Variants in PRSS3 observed in about 807,000 individuals in gnomAD.
PRSS3 encodes serine protease 3.
PRSS3 carries 14 observed loss-of-function variants against 20.8 expected under a neutral mutation model. That is an observed-to-expected ratio of 0.67 (90% confidence interval 0.44 to 1.05). The LOEUF (loss-of-function observed/expected upper bound fraction) is 1.05, where lower values mean the gene tolerates loss of function less well. Ranked by LOEUF, PRSS3 falls within the 50% of genes least tolerant of loss-of-function variation. The probability of loss-of-function intolerance (pLI) is 0.00; values close to 1 mark genes in which losing one functional copy is unlikely to be tolerated. For synonymous variants in PRSS3, 91 were observed against 117.6 expected (o/e 0.77, Z 1.46); for missense variants, 237 against 306.4 (o/e 0.77, Z 1.69).
At chr9:33,755,996 T>C (rs1197345609) in intron 1 of PRSS3, among the ~76,000 whole-genome samples, 1 of 152,220 alleles carries the variant, frequency 6.6e-6, no homozygotes, top group Non-Finnish European at 1.5e-5. Flanking sequence ...GTGGAATACA[T>C]ATGTACTTTC....
Position 33,796,785 on chromosome 9 carries a change from A to G in PRSS3, c.183A>G (p.Ala61=). The G allele has an allele frequency of 6.2e-7, 1 of 1,614,000 alleles. No individual in the cohort carries two copies. The highest frequency in any genetic ancestry group is 8.5e-7 in the Non-Finnish European group (1 of 1,179,858). ...SLISEQWVVS[A]AHCYKTRIQV... ...TCAGCGAACAGTGGGTGGTATCAGCAGCTCACTGCTACAAGACGTAAGTGT... is the reference window on the plus strand; with the variant it reads ...TCAGCGAACAGTGGGTGGTATCAGCGGCTCACTGCTACAAGACGTAAGTGT... The change falls in exon 2 of 5, where the codon GCA becomes GCG. Residue 61 remains alanine (A), a synonymous_variant. Coordinates refer to ENST00000379405, the MANE Select transcript of PRSS3 (RefSeq NM_002771.4).
Position 33,795,624 on chromosome 9 carries a change from T to C in PRSS3, c.40+11T>C, listed in dbSNP as rs754830462. On this transcript the variant is annotated intron_variant, in intron 1 of 4. Coordinates refer to ENST00000379405, the MANE Select transcript of PRSS3 (RefSeq NM_002771.4). ...TTGTGGGAGCTGCTGGCGAGTTTCA[T>C]GACCTGCCTCAGGCCCCACCCACCC... The C allele has an allele frequency of 6.2e-7, 1 of 1,614,060 alleles. No homozygotes were observed. Among genetic ancestry groups the C allele is most frequent in the Non-Finnish European group, 8.5e-7 (1 of 1,180,008 alleles).
At chr9:33,766,173 G>A (rs1234658398) in intron 1 of PRSS3, among the ~76,000 whole-genome samples, 3 of 145,834 alleles carry the variant, frequency 2.1e-5, no homozygotes, top group Non-Finnish European at 3.0e-5. Flanking sequence ...GCTGAGGCAG[G>A]AGAATCGCTT....
chr9:33,775,926 ACTC>A (rs1823902538), intron 1 of PRSS3, among the ~76,000 whole-genome samples: 1 of 151,512 alleles, frequency 6.6e-6, no homozygotes, highest in Admixed American at 6.6e-5. Flanking sequence ...CTAGTCCTGA[ACTC>A]CTGACCTCAA....
upstream of PRSS3, chr9:33,794,867 G>T (rs1015265906): frequency 2.6e-6 from 4 of 1,550,724 alleles, no homozygotes; most frequent in African/African-American, 4.1e-5. Flanking sequence ...TCCTCCAGAT[G>T]CACTGAGTAA....
intron 1 of PRSS3, among the ~76,000 whole-genome samples, chr9:33,766,302 G>A (rs1823417101): frequency 6.7e-6 from 1 of 149,654 alleles, no homozygotes; most frequent in African/African-American, 2.5e-5. Flanking sequence ...AGCCGGGGGC[G>A]GTGGCTCACG....
intron 1 of PRSS3, among the ~76,000 whole-genome samples, chr9:33,777,750 C>A (rs1268142970): frequency 6.7e-6 from 1 of 150,350 alleles, no homozygotes; most frequent in Non-Finnish European, 1.5e-5. Context: ...GTAAAAACTT[C>A]ATCATTGTAT....
upstream of PRSS3, chr9:33,794,686 A>G: frequency 6.7e-7 from 1 of 1,482,686 alleles, no homozygotes; most frequent in Non-Finnish European, 9.0e-7. Context: ...GGGGCATGTC[A>G]TTCTGGTTCA....
intron 1 of PRSS3, among the ~76,000 whole-genome samples, chr9:33,789,142 G>T (rs1824527149): frequency 6.6e-6 from 1 of 151,986 alleles, no homozygotes; most frequent in Non-Finnish European, 1.5e-5. Flanking sequence ...ATACCTTTTT[G>T]CATCTGGTTT....
intron 1 of PRSS3, among the ~76,000 whole-genome samples, chr9:33,764,747 A>C (rs1823346426): frequency 1.3e-5 from 2 of 152,226 alleles, no homozygotes; most frequent in Non-Finnish European, 2.9e-5. Flanking sequence ...AAGACAACTC[A>C]CAGAATGGGA....
At chr9:33,767,539 T>C (rs551530093) in intron 1 of PRSS3, among the ~76,000 whole-genome samples, 1 of 150,558 alleles carries the variant, frequency 6.6e-6, no homozygotes, top group East Asian at 2.0e-4. Flanking sequence ...AGAGGAACTT[T>C]AGGGCCGGGC....
chr9:33,786,616 C>T, intron 1 of PRSS3: 1 of 766,412 alleles, frequency 1.3e-6, no homozygotes, highest in South Asian at 1.3e-5. Context: ...GTCAAGTCGA[C>T]AGCCAAGTCA....
intron 1 of PRSS3, among the ~76,000 whole-genome samples, chr9:33,788,551 C>G (rs1037069338): frequency 1.3e-5 from 2 of 152,164 alleles, no homozygotes; most frequent in Non-Finnish European, 2.9e-5. Context: ...CTCCTCTTAC[C>G]TTCAAACCAC....
At chr9:33,783,187 CTGGT>C (rs780830047) in intron 1 of PRSS3, among the ~76,000 whole-genome samples, 8 of 152,188 alleles carry the variant, frequency 5.3e-5, no homozygotes, top group Non-Finnish European at 1.0e-4. Context: ...AATCAGAACT[CTGGT>C]TGCCTCTAAG....
chr9:33,788,019 G>A (rs1258339699), intron 1 of PRSS3, among the ~76,000 whole-genome samples: 1 of 152,194 alleles, frequency 6.6e-6, no homozygotes, highest in Non-Finnish European at 1.5e-5. Context: ...GCCACTGGGG[G>A]ACCTCAGAGA....
chr9:33,796,900 G>A lies in PRSS3; in HGVS notation c.200+98G>A, dbSNP rs796115023. Reference sequence around the variant, plus strand: ...GTACTGAGGTTGGGTAAGACGGATGGGAGAGGTGGTGGAAAAGAAAACTTG... The same window carrying A: ...GTACTGAGGTTGGGTAAGACGGATGAGAGAGGTGGTGGAAAAGAAAACTTG... On this transcript the variant is annotated intron_variant, in intron 2 of 4. Coordinates refer to ENST00000379405, the MANE Select transcript of PRSS3 (RefSeq NM_002771.4). The A allele has an allele frequency of 1.9e-6, 3 of 1,597,726 alleles. No individual in the cohort carries two copies. In the South Asian group the frequency reaches 3.3e-5, roughly 18 times the overall value.
intron 1 of PRSS3, among the ~76,000 whole-genome samples, chr9:33,788,266 T>G (rs1178470408): frequency 6.6e-6 from 1 of 152,192 alleles, no homozygotes; most frequent in African/African-American, 2.4e-5. Context: ...TGCAGACAGG[T>G]GCAGAGTTTT....
upstream of PRSS3, among the ~76,000 whole-genome samples, chr9:33,793,487 TC>T (rs1824736222): frequency 6.6e-6 from 1 of 152,218 alleles, no homozygotes; most frequent in Non-Finnish European, 1.5e-5. Context: ...TACATGGCAG[TC>T]ATGGCCTGGA....
At position 33,797,990 on chromosome 9, in the gene PRSS3, C is replaced by T. The variant is rs1825092289; in HGVS notation, c.362C>T (p.Ala121Val). ...IKLSSPAVIN[A>V]RVSTISLPTT... is the part of the protein sequence containing the mutation. Reference sequence around the variant, plus strand: ...CTCTCCTCACCTGCCGTCATCAATGCCCGCGTGTCCACCATCTCTCTGCCC... The same window carrying T: ...CTCTCCTCACCTGCCGTCATCAATGTCCGCGTGTCCACCATCTCTCTGCCC... Residue 121 changes from alanine to valine, a missense_variant, in exon 3 of 5, where the codon GCC becomes GTC. Ala to Val is a moderately conservative substitution (Grantham distance 64). Transcript: ENST00000379405. 6.2e-7 allele frequency: 1 copy of T among 1,614,156 alleles called. No individual in the cohort carries two copies. The highest frequency in any genetic ancestry group is 8.5e-7 in the Non-Finnish European group (1 of 1,180,042).
Sources: gnomAD v4.1 joint callset for allele counts (sites outside exome capture counted in the v4.1 genomes callset) on GRCh38, gnomAD v4.1.1 for gene constraint, MANE v1.5 for transcripts, NCBI Gene and HGNC (gene_info 2026-07-23, HGNC 2026-07-21) for gene names.